FAM169A: variants seen among roughly 807,000 people sequenced by gnomAD.
FAM169A encodes soluble lamin-associated protein of 75 kDa.
FAM169A carries 24 observed loss-of-function variants against 75.7 expected under a neutral mutation model. The observed-to-expected ratio is 0.32, with a 90% confidence interval of 0.23 to 0.45. The LOEUF is 0.45. FAM169A is among the 20% of genes least tolerant of loss of function. FAM169A has a pLI of 1.00. For synonymous variants in FAM169A, 271 were observed against 271.0 expected (o/e 1.00, Z 0.00); for missense variants, 673 against 784.0 (o/e 0.86, Z 1.69).
At chr5:74,843,654 T>C (rs1457893416) in intron 1 of FAM169A, among the ~76,000 whole-genome samples, 1 of 152,220 alleles carries the variant, frequency 6.6e-6, no homozygotes, top group Non-Finnish European at 1.5e-5. Flanking sequence ...GAACTTCTTA[T>C]ATTTGAAATC....
chr5:74,779,860 C>T lies in FAM169A; in HGVS notation c.*1600G>A, dbSNP rs1745324767. On this transcript the variant is annotated 3_prime_UTR_variant, in exon 13 of 13. Transcript: ENST00000687041. ...ACAAAATTTACTGACCTGACATCAG[C>T]TTACTATAGACTGAATACACTTTCA... 1 of 152,182 alleles carries T rather than the reference C, an allele frequency of 6.6e-6. No individual in the cohort carries two copies. The highest frequency in any genetic ancestry group is 1.5e-5 in the Non-Finnish European group (1 of 68,026). 9.4% of individuals were successfully genotyped at this position (152,182 alleles called of 1,614,324 possible). A position where few individuals can be genotyped will look rare whatever the true frequency, so the allele number is the denominator to read the frequency against.
At chr5:74,836,186 C>T (rs1024875239) in intron 4 of FAM169A, among the ~76,000 whole-genome samples, 6 of 152,150 alleles carry the variant, frequency 3.9e-5, no homozygotes, top group Non-Finnish European at 5.9e-5. Context: ...CTGGATTTTA[C>T]TGCTAATTAA....
At chr5:74,789,973 G>C (rs747397387) in intron 11 of FAM169A, among the ~76,000 whole-genome samples, 5 of 152,134 alleles carry the variant, frequency 3.3e-5, no homozygotes, top group Admixed American at 6.5e-5. Context: ...TCATGAACTG[G>C]GTGCTTTCTG....
chr5:74,812,920 T>C (rs1220043535), intron 6 of FAM169A, among the ~76,000 whole-genome samples: 1 of 152,184 alleles, frequency 6.6e-6, no homozygotes. Context: ...CTTATGGGAA[T>C]GTAAAATGCA....
intron 6 of FAM169A, among the ~76,000 whole-genome samples, chr5:74,807,828 A>G (rs1746967183): frequency 6.6e-6 from 1 of 152,216 alleles, no homozygotes; most frequent in African/African-American, 2.4e-5. Context: ...TTAAAAACAC[A>G]CTAAATAAGG....
In FAM169A at chr5:74,792,602, C is replaced by G. The variant is rs553275632; in HGVS notation, c.1260+3428G>C. On this transcript the variant is annotated intron_variant, in intron 11 of 12. Coordinates refer to ENST00000687041, the MANE Select transcript of FAM169A (RefSeq NM_001376049.1). ...CTCTGTGATCATGTGAGTTAAAACC[C>G]CTTAATAAACTCCCCTTTATATACA... Among the ~76,000 whole-genome samples the G allele has an allele frequency of 3.3e-5, 5 of 152,258 alleles. No individual in the cohort carries two copies. In the South Asian group the frequency reaches 1.0e-3, roughly 32 times the overall value.
intron 5 of FAM169A, among the ~76,000 whole-genome samples, chr5:74,824,128 C>CT (rs1279344174): frequency 6.6e-6 from 1 of 152,142 alleles, no homozygotes; most frequent in African/African-American, 2.4e-5. Flanking sequence ...AATACACTTC[C>CT]TGGTATTGGT....
chr5:74,791,080 A>C (rs1358612018), intron 11 of FAM169A, among the ~76,000 whole-genome samples: 2 of 152,204 alleles, frequency 1.3e-5, no homozygotes, highest in African/African-American at 4.8e-5. Flanking sequence ...GCAGTGCGGC[A>C]GTGGGCTCAT....
Position 74,799,800 on chromosome 5 carries a change from A to G in FAM169A, c.1103+1080T>C, listed in dbSNP as rs146631482. ...GGCTGCTGGCCATGACTGCTGACCAATGCTCTTGAACTACGATGACCGTGG... is the reference window on the plus strand; with the variant it reads ...GGCTGCTGGCCATGACTGCTGACCAGTGCTCTTGAACTACGATGACCGTGG... On this transcript the variant is annotated intron_variant, in intron 10 of 12. Coordinates refer to ENST00000687041, the MANE Select transcript of FAM169A (RefSeq NM_001376049.1). 5.3e-4 allele frequency: 581 copies of G among 1,089,204 alleles called. 1 individual carries two copies. In the African/African-American group the frequency reaches 7.8e-3, roughly 15 times the overall value. 67.5% of individuals were successfully genotyped at this position (1,089,204 alleles called of 1,614,324 possible).
intron 11 of FAM169A, among the ~76,000 whole-genome samples, chr5:74,787,838 T>C (rs1009199957): frequency 6.6e-6 from 1 of 151,944 alleles, no homozygotes; most frequent in African/African-American, 2.4e-5. Flanking sequence ...TTCATATAAG[T>C]GGAAAACTTC....
At position 74,866,361 on chromosome 5, in the gene FAM169A, C is replaced by T; in HGVS notation, c.-200G>A. 9.1e-6 allele frequency: 9 copies of T among 984,520 alleles called. No homozygotes were observed. The African/African-American group carries it at 1.6e-4, about 17-fold the overall frequency. The allele number at this position is 984,520 out of a possible 1,614,324, so 61.0% of individuals were successfully genotyped here. On this transcript the variant is annotated 5_prime_UTR_variant, in exon 1 of 13. It adds an upstream start codon to the 5' untranslated region. Coordinates refer to ENST00000687041, the MANE Select transcript of FAM169A (RefSeq NM_001376049.1). ...CTCGTCGCGGGTCGGCCGCGGCCCACCGTGCCCTCCGACGACGTGACGCAC... is the reference window on the plus strand; with the variant it reads ...CTCGTCGCGGGTCGGCCGCGGCCCATCGTGCCCTCCGACGACGTGACGCAC...
At chr5:74,858,540 C>T (rs1236721446) in intron 1 of FAM169A, among the ~76,000 whole-genome samples, 1 of 152,154 alleles carries the variant, frequency 6.6e-6, no homozygotes, top group Non-Finnish European at 1.5e-5. Context: ...ACTGGGTACA[C>T]ATGGACACAA....
chr5:74,848,857 G>C (rs919710123), intron 1 of FAM169A: 2 of 152,176 alleles, frequency 1.3e-5, no homozygotes, highest in African/African-American at 4.8e-5. Context: ...AGGTTGCTAT[G>C]ATAAATCCCT....
Position 74,831,743 on chromosome 5 carries a change from C to T in FAM169A, c.490+2683G>A, listed in dbSNP as rs145593125. ...TTCTTATGAATCCTTTCACTGTCCT[C>T]GACTTGTGAGGAGTGTGGTATACGT... is the stretch of plus-strand genomic sequence containing the variant. On this transcript the variant is annotated intron_variant, in intron 5 of 12. Transcript: ENST00000687041. Among the ~76,000 whole-genome samples, 15 of 152,198 alleles carry T rather than the reference C, an allele frequency of 9.9e-5. No homozygotes were observed. The East Asian group carries it at 1.2e-3, about 12-fold the overall frequency.
intron 9 of FAM169A, 77 bp from the exon 10 acceptor site, chr5:74,801,107 C>T: frequency 8.8e-7 from 1 of 1,142,624 alleles, no homozygotes; most frequent in Non-Finnish European, 1.2e-6. Flanking sequence ...CACAGAAATG[C>T]AAGAACTACA....
At position 74,841,587 on chromosome 5, in the gene FAM169A, C is replaced by T. The variant is rs758344533; in HGVS notation, c.90G>A (p.Gly30=). 1.9e-6 allele frequency: 3 copies of T among 1,612,974 alleles called. No homozygotes were observed. The highest frequency in any genetic ancestry group is 1.3e-5 in the African/African-American group (1 of 75,010). Residue 30 remains glycine, a synonymous_variant, in exon 2 of 13, where the codon GGG becomes GGA. Coordinates refer to ENST00000687041, the MANE Select transcript of FAM169A (RefSeq NM_001376049.1). ...AAAAACACTCTGGATTTTCAGGGTC[C>T]CCACACCTTAAATCTGACATGTAAT... ...AEDYMSDLRC[G]DPENPECFSL...
intron 1 of FAM169A, among the ~76,000 whole-genome samples, chr5:74,862,408 C>T (rs1700577442): frequency 6.6e-6 from 1 of 152,200 alleles, no homozygotes; most frequent in African/African-American, 2.4e-5. Flanking sequence ...GGGACTGTCT[C>T]TCGTCATATC....
chr5:74,822,114 A>T (rs183341793), intron 5 of FAM169A, among the ~76,000 whole-genome samples: 4 of 152,284 alleles, frequency 2.6e-5, no homozygotes, highest in Non-Finnish European at 2.9e-5. Context: ...GGTTAAAGCA[A>T]GTTATAGGGC....
At chr5:74,857,986 T>TC (rs1749813129) in intron 1 of FAM169A, among the ~76,000 whole-genome samples, 1 of 152,170 alleles carries the variant, frequency 6.6e-6, no homozygotes, top group African/African-American at 2.4e-5. Flanking sequence ...ATTTCCTCTT[T>TC]CATGGTTTGA....
Sources: allele counts gnomAD v4.1 joint callset (sites outside exome capture counted in the v4.1 genomes callset), GRCh38; gene constraint gnomAD v4.1.1; transcripts MANE v1.5; gene names NCBI Gene and HGNC (gene_info 2026-07-23, HGNC 2026-07-21).